Variants in FSHR observed in about 807,000 individuals in gnomAD.
The protein encoded by FSHR is follicle stimulating hormone receptor.
In FSHR, 46 loss-of-function variants were observed where a neutral mutation model predicts 52.1. That is an observed-to-expected ratio of 0.88 (90% CI 0.70 to 1.13). FSHR has a LOEUF of 1.13. FSHR is among the 50% of genes most tolerant of loss of function. The pLI, the probability that FSHR is intolerant of heterozygous loss-of-function variation, is 0.00. For synonymous variants in FSHR, 399 were observed against 309.6 expected (o/e 1.29, Z -3.03); for missense variants, 964 against 834.6 (o/e 1.16, Z -1.91).
chr2:49,126,419 A>G (rs768986817), intron 1 of FSHR, among the ~76,000 whole-genome samples: 1 of 152,186 alleles, frequency 6.6e-6, no homozygotes, highest in Non-Finnish European at 1.5e-5. Flanking sequence ...ATATTAATCC[A>G]TTTATGAGGG....
intron 4 of FSHR, among the ~76,000 whole-genome samples, chr2:49,010,760 A>T (rs572420974): frequency 6.6e-6 from 1 of 152,140 alleles, no homozygotes; most frequent in East Asian, 2.0e-4. Context: ...GTCTTGGAAG[A>T]ATGTATGTGT....
At position 49,008,345 on chromosome 2, in the gene FSHR, AG is replaced by A. The variant is rs569230933; in HGVS notation, c.374+9143del. 7.3e-4 allele frequency among the ~76,000 whole-genome samples: 107 copies of A among 146,112 alleles called. 2 individuals are homozygous for A. In the South Asian group the frequency reaches 0.019, roughly 26 times the overall value. On this transcript the variant is annotated intron_variant, in intron 4 of 9. Coordinates refer to ENST00000406846, the MANE Select transcript of FSHR (RefSeq NM_000145.4). The stretch of plus-strand genomic sequence containing the variant: ...TCCAATTTCATACATGTCCCTACAA[AG>A]GACATGAACTCATCATTTTTTATGG...
At chr2:49,091,179 CTT>C (rs1670594833) in intron 1 of FSHR, among the ~76,000 whole-genome samples, 1 of 151,618 alleles carries the variant, frequency 6.6e-6, no homozygotes, top group Admixed American at 6.6e-5. Context: ...TTTTAAAACT[CTT>C]TGCCTAAAAT....
chr2:49,045,065 C>T (rs147978739), intron 2 of FSHR, among the ~76,000 whole-genome samples: 2 of 152,294 alleles, frequency 1.3e-5, no homozygotes, highest in East Asian at 3.9e-4. Flanking sequence ...TGTGATCTGA[C>T]AATGACAAAG....
Position 48,962,405 on chromosome 2 carries a change from A to G in FSHR, c.*328T>C. On this transcript the variant is annotated 3_prime_UTR_variant, in exon 10 of 10. Coordinates refer to ENST00000406846, the MANE Select transcript of FSHR (RefSeq NM_000145.4). ...TGGTTTCCTCATTTGTAAAACTCCA[A>G]GAATAATCCCTGTCCTGCTTATTTA... 1 of 294,568 alleles carries G rather than the reference A, an allele frequency of 3.4e-6. No individual in the cohort carries two copies. The highest frequency in any genetic ancestry group is 4.9e-5 in the Admixed American group (1 of 20,414). 18.2% of individuals were successfully genotyped at this position (294,568 alleles called of 1,614,324 possible). A position where few individuals can be genotyped will look rare whatever the true frequency, so the allele number is the denominator to read the frequency against.
At chr2:49,142,623 T>C (rs988720211) in intron 1 of FSHR, among the ~76,000 whole-genome samples, 16 of 152,190 alleles carry the variant, frequency 1.1e-4, no homozygotes, top group Admixed American at 7.9e-4. Context: ...TGAAGTTCTA[T>C]GTAATTGGAT....
chr2:49,004,759 A>T (rs1225494969), intron 4 of FSHR, among the ~76,000 whole-genome samples: 1 of 152,150 alleles, frequency 6.6e-6, no homozygotes, highest in Non-Finnish European at 1.5e-5. Flanking sequence ...CTAATCTGAG[A>T]CTTGCTTTTC....
At chr2:49,080,141 T>A (rs1209911462) in intron 1 of FSHR, among the ~76,000 whole-genome samples, 1 of 152,144 alleles carries the variant, frequency 6.6e-6, no homozygotes, top group Non-Finnish European at 1.5e-5. Flanking sequence ...GTGTAAACAA[T>A]ACTTTGACAC....
At chr2:49,016,021 C>A (rs1298012986) in intron 4 of FSHR, among the ~76,000 whole-genome samples, 4 of 152,076 alleles carry the variant, frequency 2.6e-5, no homozygotes, top group Non-Finnish European at 5.9e-5. Context: ...AGCAGAAGTT[C>A]CAGGTCATAT....
At chr2:49,144,128 C>T (rs1672786827) in intron 1 of FSHR, among the ~76,000 whole-genome samples, 1 of 152,052 alleles carries the variant, frequency 6.6e-6, no homozygotes, top group Non-Finnish European at 1.5e-5. Flanking sequence ...TTTTCCCAAC[C>T]ACCAGAATGC....
At chr2:49,037,833 GA>G (rs1668325364) in intron 2 of FSHR, among the ~76,000 whole-genome samples, 1 of 152,114 alleles carries the variant, frequency 6.6e-6, no homozygotes, top group Non-Finnish European at 1.5e-5. Flanking sequence ...AGGAAATCCA[GA>G]AAGAGAAAAT....
chr2:49,036,057 G>C (rs1192170842), intron 2 of FSHR, among the ~76,000 whole-genome samples: 2 of 152,154 alleles, frequency 1.3e-5, no homozygotes, highest in African/African-American at 4.8e-5. Context: ...GGTAGATATA[G>C]ATACTGTATC....
chr2:48,981,079 A>G (rs1385046073), intron 8 of FSHR, among the ~76,000 whole-genome samples: 2 of 152,156 alleles, frequency 1.3e-5, no homozygotes, highest in East Asian at 3.8e-4. Context: ...GTCAAAATTC[A>G]TTTGTCTCCC....
At position 49,127,898 on chromosome 2, in the gene FSHR, C is replaced by CTTCTT. The variant is rs1558457105; in HGVS notation, c.152+26367_152+26368insAAGAA. On this transcript the variant is annotated intron_variant, in intron 1 of 9. Transcript: ENST00000406846. The stretch of plus-strand genomic sequence containing the variant: ...TCTTCTTCTTCTTCTTCTTCTTCTT[C>CTTCTT]TTTTTTTTTTTTGAGACGGAGTCTT... 3.7e-4 allele frequency among the ~76,000 whole-genome samples: 10 copies of CTTCTT among 27,238 alleles called. 1 individual carries two copies. Among genetic ancestry groups the CTTCTT allele is most frequent in the African/African-American group, 1.8e-3 (10 of 5,608 alleles). The allele number at this position is 27,238 out of a possible 152,430, so 17.9% of individuals were successfully genotyped here. A position where few individuals can be genotyped will look rare whatever the true frequency, so the allele number is the denominator to read the frequency against.
At chr2:48,999,770 C>A (rs141211458) in intron 4 of FSHR, among the ~76,000 whole-genome samples, 1 of 152,158 alleles carries the variant, frequency 6.6e-6, no homozygotes, top group Non-Finnish European at 1.5e-5. Flanking sequence ...AGAGCCTTTA[C>A]CATGACATTA....
At chr2:49,035,648 C>T (rs767500954) in intron 2 of FSHR, among the ~76,000 whole-genome samples, 9 of 152,184 alleles carry the variant, frequency 5.9e-5, no homozygotes, top group South Asian at 2.1e-4. Flanking sequence ...TACAGAATAA[C>T]GCTTAGTGAG....
intron 4 of FSHR, among the ~76,000 whole-genome samples, chr2:49,004,744 C>A (rs1199481023): frequency 6.6e-6 from 1 of 152,146 alleles, no homozygotes; most frequent in East Asian, 1.9e-4. Flanking sequence ...CTAAGCTTTA[C>A]TAGGCTAATC....
At chr2:49,023,084 C>G (rs1483916408) in intron 2 of FSHR, among the ~76,000 whole-genome samples, 1 of 151,982 alleles carries the variant, frequency 6.6e-6, no homozygotes, top group East Asian at 2.0e-4. Context: ...GGTGGATATG[C>G]AGAGTGTGAT....
intron 1 of FSHR, among the ~76,000 whole-genome samples, chr2:49,085,606 A>C (rs932034679): frequency 1.3e-5 from 2 of 152,180 alleles, no homozygotes; most frequent in Non-Finnish European, 2.9e-5. Context: ...CAGCCATCCC[A>C]TTACTGGGTA....
Sources: gnomAD v4.1 joint callset for allele counts (sites outside exome capture counted in the v4.1 genomes callset) on GRCh38, gnomAD v4.1.1 for gene constraint, MANE v1.5 for transcripts, NCBI Gene and HGNC (gene_info 2026-07-23, HGNC 2026-07-21) for gene names.